The following DCC variants were observed in gnomAD, a reference collection of about 807,000 sequenced individuals.
DCC encodes the protein DCC netrin 1 receptor, also known as netrin receptor DCC.
A neutral mutation model predicts 172.5 loss-of-function variants in DCC; 58 were observed. The ratio of observed to expected loss-of-function variants is 0.34; its 90% CI spans 0.27 to 0.42. The LOEUF is 0.42. Ranked by LOEUF, DCC falls within the 10% of genes least tolerant of loss-of-function variation. DCC has a pLI of 1.00. For synonymous variants in DCC, 709 were observed against 644.5 expected (o/e 1.10, Z -1.52); for missense variants, 1,740 against 1,791.0 (o/e 0.97, Z 0.51).
At chr18:53,412,048 G>A (rs1910017861) in intron 20 of DCC, among the ~76,000 whole-genome samples, 1 of 152,136 alleles carries the variant, frequency 6.6e-6, no homozygotes, top group Non-Finnish European at 1.5e-5. Context: ...GCAGAGTGAT[G>A]AGTTATCATA....
At chr18:53,528,068 T>C (rs1322612056) in intron 28 of DCC, among the ~76,000 whole-genome samples, 1 of 152,166 alleles carries the variant, frequency 6.6e-6, no homozygotes, top group Non-Finnish European at 1.5e-5. Context: ...TATCAAGGAA[T>C]AAGTAGGTAA....
intron 2 of DCC, among the ~76,000 whole-genome samples, chr18:52,780,815 T>C (rs1324611832): frequency 6.6e-6 from 1 of 152,136 alleles, no homozygotes; most frequent in Non-Finnish European, 1.5e-5. Context: ...TGCTGTTTTC[T>C]CAATTTCCAA....
Position 52,634,407 on chromosome 18 carries a change from T to A in DCC, c.92-117647T>A, listed in dbSNP as rs77427718. Among the ~76,000 whole-genome samples the A allele has an allele frequency of 4.4e-3, 675 of 152,284 alleles. 17 individuals carry two copies. In the East Asian group the frequency reaches 0.057, roughly 13 times the overall value. On this transcript the variant is annotated intron_variant, in intron 1 of 28. Transcript: ENST00000442544. ...TTGTAAATTCATTACCAAAGTAGTA[T>A]CACATTAATTATTCTGGTTTAAAAA...
intron 1 of DCC, among the ~76,000 whole-genome samples, chr18:52,356,752 A>G (rs1013130294): frequency 2.0e-5 from 3 of 151,142 alleles, no homozygotes; most frequent in Non-Finnish European, 4.4e-5. Flanking sequence ...TTAAGATCAC[A>G]CAGAAGTTAC....
At chr18:52,838,138 C>T (rs34486623) in intron 2 of DCC, among the ~76,000 whole-genome samples, 45,712 of 151,974 alleles carry the variant, frequency 0.3, 8,180 homozygotes, top group Non-Finnish European at 0.42. Context: ...CAAACGATAT[C>T]ACTCTGTTTA....
intron 1 of DCC, among the ~76,000 whole-genome samples, chr18:52,720,322 G>A (rs557212418): frequency 9.8e-5 from 15 of 152,306 alleles, no homozygotes; most frequent in African/African-American, 3.6e-4. Context: ...TGAGTTCTAT[G>A]AGCGCTCTAT....
intron 5 of DCC, among the ~76,000 whole-genome samples, chr18:53,061,806 C>T (rs762638616): frequency 1.3e-5 from 2 of 152,138 alleles, no homozygotes; most frequent in African/African-American, 4.8e-5. Flanking sequence ...ATAATAGAAC[C>T]TGCTTCAGGT....
At chr18:52,996,118 A>G (rs2041473710) in intron 5 of DCC, among the ~76,000 whole-genome samples, 1 of 152,058 alleles carries the variant, frequency 6.6e-6, no homozygotes, top group Non-Finnish European at 1.5e-5. Context: ...TCATTAGGAG[A>G]GCATGTTTAG....
intron 5 of DCC, among the ~76,000 whole-genome samples, chr18:53,010,171 C>A (rs370270385): frequency 6.6e-6 from 1 of 151,868 alleles, no homozygotes; most frequent in African/African-American, 2.4e-5. Flanking sequence ...TGTAAATCTT[C>A]TGAAGCAAAA....
chr18:52,672,484 G>A (rs763930916), intron 1 of DCC, among the ~76,000 whole-genome samples: 1 of 152,006 alleles, frequency 6.6e-6, no homozygotes, highest in African/African-American at 2.4e-5. Context: ...GCACAAAACA[G>A]TTCATTTTCT....
chr18:52,386,992 C>T (rs990185341), intron 1 of DCC, among the ~76,000 whole-genome samples: 3 of 151,994 alleles, frequency 2.0e-5, no homozygotes, highest in African/African-American at 4.8e-5. Flanking sequence ...ATTTGAAGAA[C>T]AAAATGAAGC....
At chr18:52,926,916 T>TACGTATATACAC (rs2040213658) in intron 5 of DCC, among the ~76,000 whole-genome samples, 1 of 136,628 alleles carries the variant, frequency 7.3e-6, no homozygotes, top group Non-Finnish European at 1.6e-5. Flanking sequence ...TATATACGTA[T>TACGTATATACAC]ACATATATAT....
intron 5 of DCC, among the ~76,000 whole-genome samples, chr18:52,953,589 C>T (rs1391631871): frequency 1.3e-5 from 2 of 152,182 alleles, no homozygotes; most frequent in Admixed American, 1.3e-4. Context: ...GTATCAGTGA[C>T]TTTCAAAGCT....
chr18:53,095,132 T>C (rs2043067259), intron 7 of DCC, among the ~76,000 whole-genome samples: 1 of 152,248 alleles, frequency 6.6e-6, no homozygotes, highest in Non-Finnish European at 1.5e-5. Context: ...TTAGTACCTC[T>C]GATTAGAATG....
At position 53,344,206 on chromosome 18, in the gene DCC, T is replaced by C. The variant is rs748499023; in HGVS notation, c.2359+4299T>C. Among the ~76,000 whole-genome samples the C allele has an allele frequency of 1.0e-3, 158 of 152,072 alleles. 1 individual carries two copies. The highest frequency in any genetic ancestry group is 3.2e-3 in the Middle Eastern group (1 of 316). On this transcript the variant is annotated intron_variant, in intron 15 of 28. Coordinates refer to ENST00000442544, the MANE Select transcript of DCC (RefSeq NM_005215.4). The stretch of plus-strand genomic sequence containing the variant: ...CTTCTATTTCTAATTTATTGACATA[T>C]GAACTTTATAATGTATACATCCATT...
chr18:53,524,569 A>T (rs961884685), intron 27 of DCC, among the ~76,000 whole-genome samples: 2 of 152,134 alleles, frequency 1.3e-5, no homozygotes, highest in Non-Finnish European at 2.9e-5. Context: ...TATATATTTT[A>T]AAAATATTGG....
intron 2 of DCC, among the ~76,000 whole-genome samples, chr18:52,793,941 G>A (rs1399844262): frequency 6.6e-6 from 1 of 151,934 alleles, no homozygotes; most frequent in Non-Finnish European, 1.5e-5. Context: ...AAATCAGTTG[G>A]CTGTAAATAG....
intron 5 of DCC, among the ~76,000 whole-genome samples, chr18:52,969,305 T>G (rs902694181): frequency 6.6e-6 from 1 of 151,814 alleles, no homozygotes; most frequent in Non-Finnish European, 1.5e-5. Flanking sequence ...ATAGCTGAAA[T>G]GAACAAACAA....
chr18:52,533,928 T>G (rs972559862), intron 1 of DCC, among the ~76,000 whole-genome samples: 1 of 152,120 alleles, frequency 6.6e-6, no homozygotes, highest in African/African-American at 2.4e-5. Flanking sequence ...TTTTTTTTAT[T>G]TTAGCTATTC....
Sources: gnomAD v4.1 joint callset for allele counts (sites outside exome capture counted in the v4.1 genomes callset) on GRCh38, gnomAD v4.1.1 for gene constraint, MANE v1.5 for transcripts, NCBI Gene and HGNC (gene_info 2026-07-23, HGNC 2026-07-21) for gene names.